UTRN: variants seen among roughly 807,000 people sequenced by gnomAD.
UTRN encodes utrophin.
UTRN carries 283 observed loss-of-function variants against 463.9 expected under a neutral mutation model. The ratio of observed to expected loss-of-function variants is 0.61; its 90% CI spans 0.55 to 0.67. The LOEUF is 0.67. Ranked by LOEUF, UTRN falls within the 30% of genes least tolerant of loss-of-function variation. The pLI, the probability that UTRN is intolerant of heterozygous loss-of-function variation, is 0.00. For synonymous variants in UTRN, 1,442 were observed against 1,431.5 expected, an observed-to-expected ratio of 1.01 and a Z score of -0.17; for missense variants, 3,922 against 4,084.3, an observed-to-expected ratio of 0.96 and a Z score of 1.08.
intron 51 of UTRN, among the ~76,000 whole-genome samples, chr6:144,634,843 G>T (rs1776932870): frequency 6.6e-6 from 1 of 152,106 alleles, no homozygotes; most frequent in Admixed American, 6.5e-5. Flanking sequence ...AGCTTTTGTG[G>T]TACTTTCCTT....
intron 2 of UTRN, among the ~76,000 whole-genome samples, chr6:144,367,131 G>A (rs1779581739): frequency 6.6e-6 from 1 of 151,912 alleles, no homozygotes; most frequent in Admixed American, 6.6e-5. Flanking sequence ...CTACAGGCGC[G>A]TGCCATCACA....
chr6:144,744,106 A>T (rs1282856626), intron 54 of UTRN, among the ~76,000 whole-genome samples: 1 of 147,390 alleles, frequency 6.8e-6, no homozygotes, highest in East Asian at 2.0e-4. Flanking sequence ...TGGGTAACAT[A>T]GTGAGACCTC....
At chr6:144,533,557 A>T (rs1216357252) in intron 43 of UTRN, among the ~76,000 whole-genome samples, 1 of 152,082 alleles carries the variant, frequency 6.6e-6, no homozygotes, top group African/African-American at 2.4e-5. Context: ...GAAATAACTG[A>T]AACTCCAGGT....
chr6:144,753,700 C>CAA (rs559496930), intron 56 of UTRN, among the ~76,000 whole-genome samples: 20 of 107,510 alleles, frequency 1.9e-4, no homozygotes, highest in Admixed American at 2.9e-4. Context: ...TTGTCTCTAC[C>CAA]AAAAAAAAAA....
At chr6:144,329,849 C>T (rs1363554273) in intron 2 of UTRN, among the ~76,000 whole-genome samples, 1 of 152,150 alleles carries the variant, frequency 6.6e-6, no homozygotes, top group East Asian at 1.9e-4. Context: ...TCAAAAGAGA[C>T]AACAATTTTA....
intron 2 of UTRN, among the ~76,000 whole-genome samples, chr6:144,399,739 T>G (rs375393879): frequency 4.6e-5 from 7 of 152,202 alleles, no homozygotes; most frequent in African/African-American, 1.7e-4. Flanking sequence ...ATTTCCAGTT[T>G]AGGATTTAAA....
intron 51 of UTRN, among the ~76,000 whole-genome samples, chr6:144,628,859 G>A (rs1281193446): frequency 1.3e-5 from 2 of 152,090 alleles, no homozygotes; most frequent in Non-Finnish European, 2.9e-5. Context: ...TAAACTGCCC[G>A]GGCAGATAGG....
chr6:144,610,489 A>C (rs944048390), intron 51 of UTRN, among the ~76,000 whole-genome samples: 1 of 152,196 alleles, frequency 6.6e-6, no homozygotes, highest in Admixed American at 6.5e-5. Context: ...TCTACCAAAT[A>C]TTAATGAAGA....
At chr6:144,377,315 G>A (rs568085583) in intron 2 of UTRN, among the ~76,000 whole-genome samples, 2 of 152,302 alleles carry the variant, frequency 1.3e-5, no homozygotes, top group African/African-American at 4.8e-5. Flanking sequence ...GGGATTACAG[G>A]TGTGAGCCAC....
intron 2 of UTRN, among the ~76,000 whole-genome samples, chr6:144,327,991 C>T (rs1309770109): frequency 6.6e-6 from 1 of 151,940 alleles, no homozygotes; most frequent in African/African-American, 2.4e-5. Context: ...CAAAAAACAA[C>T]GGAAGTTAGA....
At chr6:144,473,951 ATCTT>A in intron 24 of UTRN, 118 bp downstream of exon 24, 1 of 623,676 alleles carries the variant, frequency 1.6e-6, no homozygotes. Flanking sequence ...TAGATAAAAT[ATCTT>A]TCATCATAAA....
At chr6:144,503,852 C>G (rs1340880494) in intron 34 of UTRN, among the ~76,000 whole-genome samples, 1 of 152,098 alleles carries the variant, frequency 6.6e-6, no homozygotes, top group Non-Finnish European at 1.5e-5. Flanking sequence ...GCCATTTTCA[C>G]AGTATTGATT....
intron 74 of UTRN, among the ~76,000 whole-genome samples, chr6:144,847,968 CT>C: frequency 6.6e-6 from 1 of 152,256 alleles, no homozygotes; most frequent in Non-Finnish European, 1.5e-5. Context: ...GTTTACTAAT[CT>C]TTTTGAAACA....
At position 144,667,491 on chromosome 6, in the gene UTRN, A is replaced by G. The variant is rs371771821; in HGVS notation, c.7480-10915A>G. Among the ~76,000 whole-genome samples, 13 of 152,326 alleles carry G rather than the reference A, an allele frequency of 8.5e-5. No homozygotes were observed. The South Asian group carries it at 2.7e-3, about 32-fold the overall frequency. On this transcript the variant is annotated intron_variant, in intron 51 of 74. Transcript: ENST00000367545. The stretch of plus-strand genomic sequence containing the variant: ...TGATGTATAGGAACTTAAACAGGAA[A>G]TTTGAAGCCAGGTTCTCCTTGGCAA...
At chr6:144,497,850 A>C (rs980653011) in intron 33 of UTRN, among the ~76,000 whole-genome samples, 1 of 152,212 alleles carries the variant, frequency 6.6e-6, no homozygotes, top group Non-Finnish European at 1.5e-5. Flanking sequence ...AGTCATCTGC[A>C]TAGAGGTCAT....
chr6:144,400,924 A>AT (rs1782885334), intron 2 of UTRN, among the ~76,000 whole-genome samples: 1 of 152,234 alleles, frequency 6.6e-6, no homozygotes, highest in African/African-American at 2.4e-5. Context: ...TTCATATGTG[A>AT]TAAAATGGAA....
At chr6:144,468,989 C>T (rs1419719749) in intron 23 of UTRN, among the ~76,000 whole-genome samples, 3 of 152,156 alleles carry the variant, frequency 2.0e-5, no homozygotes, top group Non-Finnish European at 4.4e-5. Context: ...GATAACCCTT[C>T]CCGCGCGGTG....
chr6:144,450,761 T>C (rs1450561613), intron 17 of UTRN, among the ~76,000 whole-genome samples: 1 of 152,222 alleles, frequency 6.6e-6, no homozygotes, highest in Non-Finnish European at 1.5e-5. Flanking sequence ...GTTTTTATTA[T>C]CTATAAGCAT....
intron 63 of UTRN, among the ~76,000 whole-genome samples, chr6:144,796,441 A>G (rs1196439632): frequency 1.3e-5 from 2 of 152,210 alleles, no homozygotes; most frequent in East Asian, 1.9e-4. Context: ...ACTTTAATAA[A>G]TATCTGCTAA....
Sources: gnomAD v4.1 joint callset for allele counts (sites outside exome capture counted in the v4.1 genomes callset) on GRCh38, gnomAD v4.1.1 for gene constraint, MANE v1.5 for transcripts, NCBI Gene and HGNC (gene_info 2026-07-23, HGNC 2026-07-21) for gene names.